The following SLC2A1 variants were observed in gnomAD, a reference collection of about 807,000 sequenced individuals.
SLC2A1 encodes solute carrier family 2, facilitated glucose transporter member 1.
SLC2A1 carries 4 observed loss-of-function variants against 46.6 expected under a neutral mutation model. The ratio of observed to expected loss-of-function variants is 0.09; its 90% CI spans 0.04 to 0.20. SLC2A1 has a LOEUF of 0.20. Among genes scored for constraint, SLC2A1 ranks in the 10% least tolerant of loss-of-function variants. SLC2A1 has a pLI of 1.00. For synonymous variants in SLC2A1, 253 were observed against 270.0 expected, an observed-to-expected ratio of 0.94 and a Z score of 0.62; for missense variants, 352 against 667.0, an observed-to-expected ratio of 0.53 and a Z score of 5.20.
chr1:42,926,853 CT>C lies in SLC2A1; in HGVS notation c.*187del. The C allele has an allele frequency of 6.8e-7, 1 of 1,468,996 alleles. No homozygotes were observed. The highest frequency in any genetic ancestry group is 1.4e-5 in the South Asian group (1 of 73,402). 91.0% of individuals were successfully genotyped at this position (1,468,996 alleles called of 1,614,324 possible). A position where few individuals can be genotyped will look rare whatever the true frequency, so the allele number is the denominator to read the frequency against. On this transcript the variant is annotated 3_prime_UTR_variant, in exon 10 of 10. Coordinates refer to ENST00000426263, the MANE Select transcript of SLC2A1 (RefSeq NM_006516.4). ...TGAATAGATTTGAGCAACAGTCTTG[CT>C]TTTGTTAAAATCCTGGAGCCGTTAA...
At chr1:42,928,161 C>T (rs963408366) in intron 8 of SLC2A1, among the ~76,000 whole-genome samples, 33 of 152,184 alleles carry the variant, frequency 2.2e-4, no homozygotes, top group African/African-American at 8.0e-4. Flanking sequence ...GGTTCTAAGG[C>T]GTGTGAGGTG....
At chr1:42,936,708 C>T (rs1056610574) in intron 2 of SLC2A1, among the ~76,000 whole-genome samples, 1 of 152,190 alleles carries the variant, frequency 6.6e-6, no homozygotes, top group Non-Finnish European at 1.5e-5. Flanking sequence ...TGGCCACACC[C>T]GAAGCCCTTC....
intron 8 of SLC2A1, 34 bp downstream of exon 8, chr1:42,928,898 C>A: frequency 1.3e-6 from 2 of 1,583,790 alleles, no homozygotes; most frequent in Non-Finnish European, 1.7e-6. Context: ...CAAACTCTCC[C>A]GCATCCCTCA....
Position 42,943,214 on chromosome 1 carries a change from C to G in SLC2A1, c.114+12G>C. ...GCTGGTGTCCATAAGCCAACGATGG[C>G]ACAGTACTCACCTTCTGGGGGGCAT... On this transcript the variant is annotated intron_variant, in intron 2 of 9. Transcript: ENST00000426263. 6.3e-7 allele frequency: 1 copy of G among 1,590,574 alleles called. No individual in the cohort carries two copies. The highest frequency in any genetic ancestry group is 8.6e-7 in the Non-Finnish European group (1 of 1,159,362).
In SLC2A1 at chr1:42,929,629, C is replaced by T. The variant is rs759176917; in HGVS notation, c.831G>A (p.Val277=). 1 of 1,613,776 alleles carries T rather than the reference C, an allele frequency of 6.2e-7. No individual in the cohort carries two copies. Among genetic ancestry groups the T allele is most frequent in the Admixed American group, 1.7e-5 (1 of 60,026 alleles). Residue 277 remains valine (V), a synonymous_variant, in exon 6 of 10, where the codon GTG becomes GTA. Transcript: ENST00000426263. This position sits in a 1 kb window ranked among gnomAD's most constrained non-coding sequence, Gnocchi z 6.0. ...AYRQPILIAV[V]LQLSQQLSGI... Reference sequence around the variant, plus strand: ...CAGACAGCTGCTGGGACAGCTGCAGCACCACAGCGATGAGGATGGGCTGGC... The same window carrying T: ...CAGACAGCTGCTGGGACAGCTGCAGTACCACAGCGATGAGGATGGGCTGGC...
Position 42,954,102 on chromosome 1 carries a change from C to T in SLC2A1, c.18+4532G>A, listed in dbSNP as rs963506946. Among the ~76,000 whole-genome samples, 1 of 152,122 alleles carries T rather than the reference C, an allele frequency of 6.6e-6. No individual in the cohort carries two copies. The highest frequency in any genetic ancestry group is 2.4e-5 in the African/African-American group (1 of 41,412). On this transcript the variant is annotated intron_variant, in intron 1 of 9. Coordinates refer to ENST00000426263, the MANE Select transcript of SLC2A1 (RefSeq NM_006516.4). This position sits in a 1 kb window ranked among gnomAD's most constrained non-coding sequence, Gnocchi z 4.2. ...CAGTAGAGTTTCAGTTGTCAAGTTACGTCTAATCCAACTTTCAGGCTCCTA... is the reference window on the plus strand; with the variant it reads ...CAGTAGAGTTTCAGTTGTCAAGTTATGTCTAATCCAACTTTCAGGCTCCTA...
At chr1:42,946,645 T>C (rs557043569) in intron 1 of SLC2A1, among the ~76,000 whole-genome samples, 15 of 152,256 alleles carry the variant, frequency 9.9e-5, no homozygotes, top group African/African-American at 3.6e-4. Context: ...CAAGGCTACA[T>C]TCCAGGTGGA....
intron 1 of SLC2A1, among the ~76,000 whole-genome samples, chr1:42,958,151 C>A (rs1301405391): frequency 1.3e-5 from 2 of 152,070 alleles, no homozygotes; most frequent in African/African-American, 4.8e-5. Context: ...GGGGAGCAGA[C>A]GGAGAGCGGG....
rs2124444197 is a variant in SLC2A1, at chr1:42,925,992, GA to G, written c.*1048del. On this transcript the variant is annotated 3_prime_UTR_variant, in exon 10 of 10. Transcript: ENST00000426263. ...ATGTATATATTCTCTGGGTAACAGG[GA>G]TCAAACAGATTTTTGAGCAAGAGGA... 6.6e-6 allele frequency: 1 copy of G among 152,440 alleles called. No homozygotes were observed. The highest frequency in any genetic ancestry group is 6.5e-5 in the Admixed American group (1 of 15,302). The allele number at this position is 152,440 out of a possible 1,614,324, so 9.4% of individuals were successfully genotyped here. A position where few individuals can be genotyped will look rare whatever the true frequency, so the allele number is the denominator to read the frequency against.
In SLC2A1 at chr1:42,958,842, G is replaced by T; in HGVS notation, c.-191C>A. On this transcript the variant is annotated 5_prime_UTR_variant, in exon 1 of 10. Coordinates refer to ENST00000426263, the MANE Select transcript of SLC2A1 (RefSeq NM_006516.4). ...GGGACCCGCGACTAGCGACCGGCAC[G>T]CTCGCTGTTGCTACCTCTTGCCTCT... is the stretch of plus-strand genomic sequence containing the variant. 1 of 578,738 alleles carries T rather than the reference G, an allele frequency of 1.7e-6. No homozygotes were observed. Among genetic ancestry groups the T allele is most frequent in the Non-Finnish European group, 3.1e-6 (1 of 326,352 alleles). The allele number at this position is 578,738 out of a possible 1,614,324, so 35.9% of individuals were successfully genotyped here. A position where few individuals can be genotyped will look rare whatever the true frequency, so the allele number is the denominator to read the frequency against.
chr1:42,941,078 C>T (rs1426074707), intron 2 of SLC2A1, among the ~76,000 whole-genome samples: 1 of 152,204 alleles, frequency 6.6e-6, no homozygotes, highest in Admixed American at 6.5e-5. Flanking sequence ...TGAGGGTTTG[C>T]TTTTATGTCA....
intron 1 of SLC2A1, among the ~76,000 whole-genome samples, 191 bp from the exon 2 acceptor site, chr1:42,943,512 C>G (rs1643619465): frequency 6.6e-6 from 1 of 152,194 alleles, no homozygotes; most frequent in African/African-American, 2.4e-5. Flanking sequence ...CTTCAAGATA[C>G]TGGGCTGGCC....
chr1:42,951,687 T>C (rs1396104753), intron 1 of SLC2A1: 1 of 396,730 alleles, frequency 2.5e-6, no homozygotes, highest in African/African-American at 2.1e-5. Flanking sequence ...TAATCCAATT[T>C]TTTTTCCAGT....
chr1:42,939,160 A>ACC (rs1643572003), intron 2 of SLC2A1, among the ~76,000 whole-genome samples: 1 of 152,284 alleles, frequency 6.6e-6, no homozygotes, highest in African/African-American at 2.4e-5. Flanking sequence ...CTACGCGGGC[A>ACC]CAGGAGTCTC....
intron 1 of SLC2A1, among the ~76,000 whole-genome samples, chr1:42,953,390 G>A (rs1230883685): frequency 6.6e-6 from 1 of 152,250 alleles, no homozygotes; most frequent in African/African-American, 2.4e-5. Context: ...CACCCCTCCC[G>A]TGGAGAGAGG....
At chr1:42,941,549 T>C (rs1027607962) in intron 2 of SLC2A1, among the ~76,000 whole-genome samples, 4 of 152,236 alleles carry the variant, frequency 2.6e-5, no homozygotes, top group African/African-American at 9.6e-5. Context: ...ATTAACTCAC[T>C]ATGAGATCAC....
intron 1 of SLC2A1, among the ~76,000 whole-genome samples, chr1:42,947,899 C>T (rs1404917306): frequency 6.6e-6 from 1 of 152,190 alleles, no homozygotes; most frequent in Non-Finnish European, 1.5e-5. Flanking sequence ...TATCAAACCC[C>T]TGACGAGTGC....
intron 1 of SLC2A1, among the ~76,000 whole-genome samples, chr1:42,957,573 G>C (rs753491975): frequency 6.6e-6 from 1 of 152,092 alleles, no homozygotes; most frequent in Admixed American, 6.5e-5. Context: ...CGTTTCAAAA[G>C]AAAAAGGGGA....
chr1:42,956,513 A>G lies in SLC2A1; in HGVS notation c.18+2121T>C, dbSNP rs541332292. On this transcript the variant is annotated intron_variant, in intron 1 of 9. Transcript: ENST00000426263. ...GGCAGAAGAAACGCTTGAACCCGGGAGGCAGAGGTTGCAGGGAGTTGAGAT... is the reference window on the plus strand; with the variant it reads ...GGCAGAAGAAACGCTTGAACCCGGGGGGCAGAGGTTGCAGGGAGTTGAGAT... Among the ~76,000 whole-genome samples the G allele has an allele frequency of 1.1e-4, 16 of 151,514 alleles. No homozygotes were observed. In the East Asian group the frequency reaches 3.1e-3, roughly 29 times the overall value.
Sources: allele counts gnomAD v4.1 joint callset (sites outside exome capture counted in the v4.1 genomes callset), GRCh38; gene constraint gnomAD v4.1.1; non-coding constraint Gnocchi (gnomAD v3.1); transcripts MANE v1.5; gene names NCBI Gene and HGNC (gene_info 2026-07-23, HGNC 2026-07-21).